Variants in PPP1R9B observed in about 807,000 individuals in gnomAD.
PPP1R9B encodes the protein protein phosphatase 1 regulatory subunit 9B.
PPP1R9B carries 17 observed loss-of-function variants against 75.8 expected under a neutral mutation model. That is an observed-to-expected ratio of 0.22 (90% CI 0.15 to 0.34). The LOEUF is 0.34. PPP1R9B is among the 10% of genes least tolerant of loss of function. The pLI is 1.00. For synonymous variants in PPP1R9B, 509 were observed against 535.4 expected (o/e 0.95, Z 0.68); for missense variants, 875 against 1,196.0 (o/e 0.73, Z 3.96).
In PPP1R9B at chr17:50,150,487, G is replaced by A. The variant is rs758224477; in HGVS notation, c.27C>T (p.Pro9=). ...GGGAGGCGCTCCGGAGGGGACCCCC[G>A]GGCCCCCGTGGCTCCGTCTTCATCA... MMKTEPRG[P]GGPLRSASPH... Residue 9 remains proline, a synonymous_variant, in exon 1 of 10, where the codon CCC becomes CCT. Coordinates refer to ENST00000612501, the MANE Select transcript of PPP1R9B (RefSeq NM_032595.5). The surrounding 1 kb of genome is among the most constrained non-coding windows in gnomAD (Gnocchi z 8.7). The A allele has an allele frequency of 2.9e-6, 4 of 1,361,526 alleles. No individual in the cohort carries two copies. Among genetic ancestry groups the A allele is most frequent in the South Asian group, 1.7e-5 (1 of 58,680 alleles). 84.3% of individuals were successfully genotyped at this position (1,361,526 alleles called of 1,614,324 possible).
Position 50,149,646 on chromosome 17 carries a change from G to A in PPP1R9B, c.868C>T (p.Pro290Ser). ...ATCTTGCGCACCTCCCGGGGCTTGG[G>A]GGGCGGCCGGGCAGGGGCCACTCGG... ...QHRVAPARPP[P>S]KPREVRKIKP... The change falls in exon 1 of 10, where the codon CCC becomes TCC. Residue 290 changes from proline to serine, a missense_variant. By Grantham distance (74) the Pro-to-Ser change is moderately conservative. Transcript: ENST00000612501. This position sits in a 1 kb window ranked among gnomAD's most constrained non-coding sequence, Gnocchi z 7.2. The A allele has an allele frequency of 6.6e-7, 1 of 1,516,716 alleles. No individual in the cohort carries two copies. The highest frequency in any genetic ancestry group is 8.8e-7 in the Non-Finnish European group (1 of 1,135,234). The allele number at this position is 1,516,716 out of a possible 1,614,324, so 94.0% of individuals were successfully genotyped here. A position where few individuals can be genotyped will look rare whatever the true frequency, so the allele number is the denominator to read the frequency against.
chr17:50,136,235 C>A, intron 7 of PPP1R9B, 38 bp from the exon 8 acceptor site: 1 of 1,556,318 alleles, frequency 6.4e-7, no homozygotes, highest in East Asian at 2.3e-5. Flanking sequence ...TGGTGGGGGC[C>A]AGCAGGAGCC....
chr17:50,140,082 G>C lies in PPP1R9B; in HGVS notation c.1866+11C>G. ...GGCGACCACGCGGCCAGCCAGGCAGGGACTCCCTACCTCCTCGTCATCCTC... is the reference window on the plus strand; with the variant it reads ...GGCGACCACGCGGCCAGCCAGGCAGCGACTCCCTACCTCCTCGTCATCCTC... On this transcript the variant is annotated intron_variant, in intron 5 of 9. Transcript: ENST00000612501. 4 of 1,612,238 alleles carry C rather than the reference G, an allele frequency of 2.5e-6. No homozygotes were observed. Among genetic ancestry groups the C allele is most frequent in the Non-Finnish European group, 3.4e-6 (4 of 1,179,206 alleles).
intron 3 of PPP1R9B, among the ~76,000 whole-genome samples, chr17:50,141,736 C>T (rs1459244513): frequency 1.3e-5 from 2 of 151,884 alleles, no homozygotes. Context: ...TTTGTCCTCA[C>T]AGGGACCTGG....
chr17:50,150,435 T>C lies in PPP1R9B; in HGVS notation c.79A>G (p.Ile27Val), dbSNP rs370779306. The C allele has an allele frequency of 4.3e-6, 6 of 1,384,830 alleles. No homozygotes were observed. Among genetic ancestry groups the C allele is most frequent in the Non-Finnish European group, 4.7e-6 (5 of 1,064,342 alleles). 85.8% of individuals were successfully genotyped at this position (1,384,830 alleles called of 1,614,324 possible). A position where few individuals can be genotyped will look rare whatever the true frequency, so the allele number is the denominator to read the frequency against. The change falls in exon 1 of 10, where the codon ATC becomes GTC. Residue 27 changes from isoleucine to valine, a missense_variant. Physicochemically the swap from Ile to Val is conservative, Grantham distance 29. This residue lies in a region of PPP1R9B where 145 missense variants were observed against 226.1 expected (regional missense o/e 0.64). Transcript: ENST00000612501. This position sits in a 1 kb window ranked among gnomAD's most constrained non-coding sequence, Gnocchi z 8.7. Reference protein sequence around the residue: ...SPHRSAYEAGIQALKPPDAPG... With the variant: ...SPHRSAYEAGVQALKPPDAPG... ...GCGTCGGGCGGCTTCAGCGCCTGGA[T>C]GCCCGCCTCGTAGGCGCTGCGGTGC...
intron 3 of PPP1R9B, among the ~76,000 whole-genome samples, chr17:50,143,286 C>A (rs963089232): frequency 1.3e-5 from 2 of 152,210 alleles, no homozygotes; most frequent in Non-Finnish European, 2.9e-5. Context: ...TGCCTGTCTT[C>A]TCCCTACCAG....
Position 50,135,136 on chromosome 17 carries a change from C to A in PPP1R9B, c.*195G>T, listed in dbSNP as rs537760678. On this transcript the variant is annotated 3_prime_UTR_variant, in exon 10 of 10. Coordinates refer to ENST00000612501, the MANE Select transcript of PPP1R9B (RefSeq NM_032595.5). ...AGGCTGCCCTTCTAGCCACCTCTGT[C>A]TGCCCAGGCCATCTTAAGGGGGCCT... 97 of 599,990 alleles carry A rather than the reference C, an allele frequency of 1.6e-4. No individual in the cohort carries two copies. The African/African-American group carries it at 1.6e-3, about 10-fold the overall frequency. 37.2% of individuals were successfully genotyped at this position (599,990 alleles called of 1,614,324 possible). A position where few individuals can be genotyped will look rare whatever the true frequency, so the allele number is the denominator to read the frequency against.
intron 2 of PPP1R9B, among the ~76,000 whole-genome samples, chr17:50,144,001 C>T (rs940489578): frequency 1.3e-5 from 2 of 152,130 alleles, no homozygotes; most frequent in African/African-American, 4.8e-5. Flanking sequence ...CAGACCAGGG[C>T]GTGTGGCCAG....
Position 50,145,161 on chromosome 17 carries a change from C to T in PPP1R9B, c.1456G>A (p.Glu486Lys). Reference sequence around the variant, plus strand: ...AGCTCCAACCTCTCCACACGCTTCTCCAGCTCGTACTCAGCAGAGGCTGCC... The same window carrying T: ...AGCTCCAACCTCTCCACACGCTTCTTCAGCTCGTACTCAGCAGAGGCTGCC... Reference protein sequence around the residue: ...PMAASAEYELEKRVERLELFP... With the variant: ...PMAASAEYELKKRVERLELFP... Residue 486 changes from glutamate (E) to lysine (K), a missense_variant, in exon 2 of 10, where the codon GAG (glutamate) becomes AAG (lysine). Physicochemically the swap from Glu to Lys is moderately conservative, Grantham distance 56 (BLOSUM62 1). This residue lies in a region of PPP1R9B where 63 missense variants were observed against 160.2 expected (regional missense o/e 0.39). Transcript: ENST00000612501. 6.2e-7 allele frequency: 1 copy of T among 1,614,026 alleles called. No individual in the cohort carries two copies. Among genetic ancestry groups the T allele is most frequent in the Non-Finnish European group, 8.5e-7 (1 of 1,179,898 alleles).
rs1567730824 is a variant in PPP1R9B at position 50,149,099 on chromosome 17, CG to C, written c.1371+43del. 1 of 1,284,254 alleles carries C rather than the reference CG, an allele frequency of 7.8e-7. No homozygotes were observed. Among genetic ancestry groups the C allele is most frequent in the Non-Finnish European group, 1.0e-6 (1 of 1,004,310 alleles). 79.6% of individuals were successfully genotyped at this position (1,284,254 alleles called of 1,614,324 possible). On this transcript the variant is annotated intron_variant, in intron 1 of 9. Coordinates refer to ENST00000612501, the MANE Select transcript of PPP1R9B (RefSeq NM_032595.5). This position sits in a 1 kb window ranked among gnomAD's most constrained non-coding sequence, Gnocchi z 7.2. ...TGGCGAGCGGGGGCGGCCGCGTGCA[CG>C]TGGCAGGGGCGGCGCGGGGGCAGGG...
In PPP1R9B at chr17:50,134,866, G is replaced by C. The variant is rs751850736; in HGVS notation, c.*465C>G. 5.8e-6 allele frequency: 1 copy of C among 172,512 alleles called. No individual in the cohort carries two copies. Among genetic ancestry groups the C allele is most frequent in the Non-Finnish European group, 1.3e-5 (1 of 79,664 alleles). 10.7% of individuals were successfully genotyped at this position (172,512 alleles called of 1,614,324 possible). ...GAGACGGCACAATGATGGGGGGAGA[G>C]GGAAGGGCCGAGAAGGTAGAATCTC... On this transcript the variant is annotated 3_prime_UTR_variant, in exon 10 of 10. Coordinates refer to ENST00000612501, the MANE Select transcript of PPP1R9B (RefSeq NM_032595.5).
rs76670945 is a variant in PPP1R9B at position 50,145,614 on chromosome 17, G to A, written c.1372-369C>T. 2.2e-3 allele frequency among the ~76,000 whole-genome samples: 335 copies of A among 152,272 alleles called. 2 individuals are homozygous for A. The highest frequency in any genetic ancestry group is 7.8e-3 in the African/African-American group (323 of 41,534). On this transcript the variant is annotated intron_variant, in intron 1 of 9. Coordinates refer to ENST00000612501, the MANE Select transcript of PPP1R9B (RefSeq NM_032595.5). Reference sequence around the variant, plus strand: ...GTGAGAGATAGGACCCAGAGAGCCAGACAGGCGAGAGGGGACACAAAGACA... The same window carrying A: ...GTGAGAGATAGGACCCAGAGAGCCAAACAGGCGAGAGGGGACACAAAGACA...
intron 3 of PPP1R9B, 112 bp downstream of exon 3, chr17:50,143,486 C>A: frequency 7.4e-7 from 1 of 1,357,088 alleles, no homozygotes; most frequent in Non-Finnish European, 1.0e-6. Context: ...ACACACAGCA[C>A]GGAAATCTCC....
Position 50,149,959 on chromosome 17 carries a change from G to A in PPP1R9B, c.555C>T (p.Val185=), listed in dbSNP as rs1448997985. 2 of 1,515,074 alleles carry A rather than the reference G, an allele frequency of 1.3e-6. No individual in the cohort carries two copies. The highest frequency in any genetic ancestry group is 8.8e-7 in the Non-Finnish European group (1 of 1,139,858). 93.9% of individuals were successfully genotyped at this position (1,515,074 alleles called of 1,614,324 possible). A position where few individuals can be genotyped will look rare whatever the true frequency, so the allele number is the denominator to read the frequency against. The change falls in exon 1 of 10, where the codon GTC becomes GTT. Residue 185 remains valine (V), a synonymous_variant. Coordinates refer to ENST00000612501, the MANE Select transcript of PPP1R9B (RefSeq NM_032595.5). The surrounding 1 kb of genome is among the most constrained non-coding windows in gnomAD (Gnocchi z 7.2). The part of the protein sequence containing the change: ...RAGLQDRKLD[V]VVRFNGSTEA... Reference sequence around the variant, plus strand: ...CGGTGCTGCCGTTGAAGCGCACCACGACGTCCAGCTTCCGGTCCTGCAGGC... The same window carrying A: ...CGGTGCTGCCGTTGAAGCGCACCACAACGTCCAGCTTCCGGTCCTGCAGGC...
At position 50,150,137 on chromosome 17, in the gene PPP1R9B, G is replaced by C; in HGVS notation, c.377C>G (p.Ser126Cys). 7.0e-7 allele frequency: 1 copy of C among 1,432,382 alleles called. No individual in the cohort carries two copies. The highest frequency in any genetic ancestry group is 3.1e-5 in the East Asian group (1 of 32,554). The allele number at this position is 1,432,382 out of a possible 1,614,324, so 88.7% of individuals were successfully genotyped here. Residue 126 changes from serine to cysteine, a missense_variant, in exon 1 of 10, where the codon TCC (serine) becomes TGC (cysteine). Transcript: ENST00000612501. The surrounding 1 kb of genome is among the most constrained non-coding windows in gnomAD (Gnocchi z 8.7). ...AGGCTGCGCGGAGGGCGCGGGCTTG[G>C]AGTCGAAGCGGCTCACGCGCTCCGA... The part of the protein sequence containing the change: ...SVSERVSRFD[S>C]KPAPSAQPAP...
rs1315967570 is a variant in PPP1R9B at position 50,142,319 on chromosome 17, C to G, written c.1626-946G>C. Reference sequence around the variant, plus strand: ...AATGGAGGAAATGGCCTATTGTCAACAGCTCACCCCAACACATGCCACTCC... The same window carrying G: ...AATGGAGGAAATGGCCTATTGTCAAGAGCTCACCCCAACACATGCCACTCC... On this transcript the variant is annotated intron_variant, in intron 3 of 9. Coordinates refer to ENST00000612501, the MANE Select transcript of PPP1R9B (RefSeq NM_032595.5). This position sits in a 1 kb window ranked among gnomAD's most constrained non-coding sequence, Gnocchi z 4.1. 6.6e-6 allele frequency among the ~76,000 whole-genome samples: 1 copy of G among 152,198 alleles called. No individual in the cohort carries two copies. Among genetic ancestry groups the G allele is most frequent in the Non-Finnish European group, 1.5e-5 (1 of 68,034 alleles).
chr17:50,137,958 A>T (rs964318189), intron 7 of PPP1R9B, among the ~76,000 whole-genome samples: 1 of 152,094 alleles, frequency 6.6e-6, no homozygotes, highest in African/African-American at 2.4e-5. Context: ...GGGAGGGTAC[A>T]CACACTCCCA....
intron 1 of PPP1R9B, among the ~76,000 whole-genome samples, chr17:50,146,506 C>T (rs8072706): frequency 1.3e-5 from 2 of 152,184 alleles, no homozygotes; most frequent in East Asian, 1.9e-4. Context: ...GCAGCACTCT[C>T]GTGTCCCAGC....
In PPP1R9B at chr17:50,149,704, C is replaced by G; in HGVS notation, c.810G>C (p.Glu270Asp). ...APSGDAPAEK[E>D]RCPAGQQPPQ... ...GGGGCTGCTGCCCTGCGGGGCATCG[C>G]TCTTTCTCGGCCGGGGCATCCCCCG... The change falls in exon 1 of 10, where the codon GAG (glutamate) becomes GAC (aspartate). Residue 270 changes from glutamate to aspartate, a missense_variant. Transcript: ENST00000612501. The surrounding 1 kb of genome is among the most constrained non-coding windows in gnomAD (Gnocchi z 7.2). The G allele has an allele frequency of 7.1e-7, 1 of 1,418,424 alleles. No individual in the cohort carries two copies. Among genetic ancestry groups the G allele is most frequent in the Non-Finnish European group, 9.1e-7 (1 of 1,094,478 alleles). 87.9% of individuals were successfully genotyped at this position (1,418,424 alleles called of 1,614,324 possible).
Sources: allele counts gnomAD v4.1 joint callset (sites outside exome capture counted in the v4.1 genomes callset), GRCh38; gene constraint gnomAD v4.1.1; regional missense constraint gnomAD v4.1.1; non-coding constraint Gnocchi (gnomAD v3.1); transcripts MANE v1.5; gene names NCBI Gene and HGNC (gene_info 2026-07-23, HGNC 2026-07-21).